NEMP2: variants seen among roughly 807,000 people sequenced by gnomAD.
The protein encoded by NEMP2 is UPF0571 transmembrane protein.
A neutral mutation model predicts 54.2 loss-of-function variants in NEMP2; 53 were observed. The ratio of observed to expected loss-of-function variants is 0.98; its 90% CI spans 0.78 to 1.23. The LOEUF is 1.23. Ranked by LOEUF, NEMP2 falls within the 50% of genes most tolerant of loss-of-function variation. The probability of loss-of-function intolerance (pLI) is 0.00; values close to 1 mark genes in which losing one functional copy is unlikely to be tolerated. For synonymous variants in NEMP2, 197 were observed against 190.3 expected, an observed-to-expected ratio of 1.04 and a Z score of -0.29; for missense variants, 455 against 511.3, an observed-to-expected ratio of 0.89 and a Z score of 1.06.
intron 4 of NEMP2, among the ~76,000 whole-genome samples, chr2:190,518,126 C>T (rs368706492): frequency 2.6e-5 from 4 of 152,036 alleles, no homozygotes; most frequent in East Asian, 1.9e-4. Flanking sequence ...GAATAGCTGA[C>T]GAGTGTTGGG....
At chr2:190,447,145 A>G in the NEMP2 span, among the ~76,000 whole-genome samples, 1 of 152,162 alleles carries the variant, frequency 6.6e-6, no homozygotes, top group South Asian at 2.1e-4. The surrounding 1 kb of genome is among the most constrained non-coding windows in gnomAD (Gnocchi z 4.5). Flanking sequence ...ATATTAGCGC[A>G]CTCAAGGTGT....
chr2:190,626,967 T>A, the NEMP2 span: 1 of 152,336 alleles, frequency 6.6e-6, no homozygotes, highest in South Asian at 2.1e-4. This position sits in a 1 kb window ranked among gnomAD's most constrained non-coding sequence, Gnocchi z 4.5. Flanking sequence ...TGATTTCCTG[T>A]CTCATTTCCA....
chr2:190,534,903 T>TCCCGGC, upstream of NEMP2: 1 of 347,534 alleles, frequency 2.9e-6, no homozygotes, highest in Non-Finnish European at 5.2e-6. Flanking sequence ...GCTGGCATGC[T>TCCCGGC]CCCGGCCTCG....
downstream of NEMP2, among the ~76,000 whole-genome samples, chr2:190,502,559 A>T (rs1690072919): frequency 6.6e-6 from 1 of 152,188 alleles, no homozygotes; most frequent in Admixed American, 6.5e-5. This position sits in a 1 kb window ranked among gnomAD's most constrained non-coding sequence, Gnocchi z 4.4. Flanking sequence ...CAGGCAGTAA[A>T]CCTCATGAAA....
chr2:190,609,971 T>C, the NEMP2 span: 1 of 152,122 alleles, frequency 6.6e-6, no homozygotes, highest in African/African-American at 2.4e-5. The surrounding 1 kb of genome is among the most constrained non-coding windows in gnomAD (Gnocchi z 4.7). Flanking sequence ...TTTGCAGGGC[T>C]TTACGAAAGC....
chr2:190,474,975 A>G, the NEMP2 span, among the ~76,000 whole-genome samples: 9 of 152,284 alleles, frequency 5.9e-5, no homozygotes, highest in Non-Finnish European at 1.2e-4. Flanking sequence ...TCACATGATT[A>G]TCTCAATAGA....
chr2:190,566,734 G>T, the NEMP2 span, among the ~76,000 whole-genome samples: 1 of 135,956 alleles, frequency 7.4e-6, no homozygotes, highest in Non-Finnish European at 1.7e-5. Context: ...AAGAAGGAAA[G>T]AAAGAAAAGA....
the NEMP2 span, among the ~76,000 whole-genome samples, chr2:190,586,984 A>G: frequency 1.3e-5 from 2 of 152,000 alleles, no homozygotes; most frequent in East Asian, 1.9e-4. The surrounding 1 kb of genome is among the most constrained non-coding windows in gnomAD (Gnocchi z 4.5). Context: ...TTGAAAATTT[A>G]TTTATGTAAT....
At chr2:190,604,467 G>A in the NEMP2 span, among the ~76,000 whole-genome samples, 3 of 152,040 alleles carry the variant, frequency 2.0e-5, no homozygotes, top group African/African-American at 7.3e-5. The surrounding 1 kb of genome is among the most constrained non-coding windows in gnomAD (Gnocchi z 4.5). Flanking sequence ...TTCCATCTGC[G>A]CGCTTGAACA....
Position 190,525,555 on chromosome 2 carries a change from T to C in NEMP2, c.98-177A>G, listed in dbSNP as rs1690903297. On this transcript the variant is annotated intron_variant, in intron 1 of 8. Coordinates refer to ENST00000409150, the MANE Select transcript of NEMP2 (RefSeq NM_001142645.2). This position sits in a 1 kb window ranked among gnomAD's most constrained non-coding sequence, Gnocchi z 5.0. ...AACCAAGGAGGAGACAGATAGAAAA[T>C]ACGATAGCCCAAGTGTCAATATTTA... Among the ~76,000 whole-genome samples the C allele has an allele frequency of 6.6e-6, 1 of 151,882 alleles. No individual in the cohort carries two copies. The highest frequency in any genetic ancestry group is 1.5e-5 in the Non-Finnish European group (1 of 68,016).
intron 5 of NEMP2, among the ~76,000 whole-genome samples, chr2:190,516,651 C>A (rs945940842): frequency 1.3e-5 from 2 of 152,162 alleles, no homozygotes. Context: ...ATCTAGCTTG[C>A]ATGTACACTG....
At chr2:190,562,425 C>G in the NEMP2 span, among the ~76,000 whole-genome samples, 3 of 152,288 alleles carry the variant, frequency 2.0e-5, no homozygotes, top group Non-Finnish European at 4.4e-5. The surrounding 1 kb of genome is among the most constrained non-coding windows in gnomAD (Gnocchi z 5.0). Context: ...TAAGCACTCC[C>G]TAGCTTCTTC....
chr2:190,592,219 T>G, the NEMP2 span, among the ~76,000 whole-genome samples: 1 of 152,168 alleles, frequency 6.6e-6, no homozygotes, highest in Admixed American at 6.5e-5. The surrounding 1 kb of genome is among the most constrained non-coding windows in gnomAD (Gnocchi z 4.4). Context: ...ACTGCCAAGT[T>G]TAACCTCTGT....
chr2:190,451,961 A>G, the NEMP2 span, among the ~76,000 whole-genome samples: 2 of 152,122 alleles, frequency 1.3e-5, no homozygotes, highest in East Asian at 3.8e-4. This position sits in a 1 kb window ranked among gnomAD's most constrained non-coding sequence, Gnocchi z 5.0. Context: ...ATTTTTCTTC[A>G]TTCTCTGAGT....
chr2:190,424,336 T>C, the NEMP2 span, among the ~76,000 whole-genome samples: 6 of 151,946 alleles, frequency 3.9e-5, no homozygotes, highest in Non-Finnish European at 5.9e-5. The surrounding 1 kb of genome is among the most constrained non-coding windows in gnomAD (Gnocchi z 5.9). Context: ...TTTGAGGTTA[T>C]TTATTTATTT....
chr2:190,457,432 C>T, the NEMP2 span, among the ~76,000 whole-genome samples: 2 of 152,212 alleles, frequency 1.3e-5, no homozygotes, highest in Admixed American at 1.3e-4. The surrounding 1 kb of genome is among the most constrained non-coding windows in gnomAD (Gnocchi z 5.1). Flanking sequence ...AGGACTCAGA[C>T]TTTGCGTGTT....
the NEMP2 span, among the ~76,000 whole-genome samples, chr2:190,540,976 C>A: frequency 2.0e-5 from 3 of 151,748 alleles, no homozygotes; most frequent in Non-Finnish European, 2.9e-5. Flanking sequence ...AGGAATTTTT[C>A]CATTTCTTCT....
At chr2:190,435,279 T>C in the NEMP2 span, 4 of 152,268 alleles carry the variant, frequency 2.6e-5, no homozygotes, top group Non-Finnish European at 4.4e-5. Flanking sequence ...TGAATATGAA[T>C]GAATACATGT....
the NEMP2 span, among the ~76,000 whole-genome samples, chr2:190,467,864 T>C: frequency 6.6e-6 from 1 of 152,336 alleles, no homozygotes; most frequent in African/African-American, 2.4e-5. This position sits in a 1 kb window ranked among gnomAD's most constrained non-coding sequence, Gnocchi z 5.5. Flanking sequence ...TTCATTTACA[T>C]ATTGCCTGTG....
Sources: gnomAD v4.1 joint callset for allele counts (sites outside exome capture counted in the v4.1 genomes callset) on GRCh38, gnomAD v4.1.1 for gene constraint, Gnocchi (gnomAD v3.1) non-coding constraint, MANE v1.5 for transcripts, NCBI Gene and HGNC (gene_info 2026-07-23, HGNC 2026-07-21) for gene names.